ZNF469: variants seen among roughly 807,000 people sequenced by gnomAD.
ZNF469 encodes the protein zinc finger protein 469.
In ZNF469, 1 loss-of-function variant was observed where a neutral mutation model predicts 1.0. The observed-to-expected ratio is 1.00, with a 90% CI of 0.35 to 4.73. The LOEUF (loss-of-function observed/expected upper bound fraction) is 4.73, where lower values mean the gene tolerates loss of function less well. ZNF469 is among the 30% of genes most tolerant of loss of function. The pLI, the probability that ZNF469 is intolerant of heterozygous loss-of-function variation, is 0.16. For synonymous variants in ZNF469, 2,703 were observed against 2,363.4 expected (o/e 1.14, Z -4.17); for missense variants, 6,100 against 5,356.3 (o/e 1.14, Z -4.33).
At chr16:88,304,336 C>T in the ZNF469 span, among the ~76,000 whole-genome samples, 1 of 152,216 alleles carries the variant, frequency 6.6e-6, no homozygotes, top group Non-Finnish European at 1.5e-5. Flanking sequence ...GCTCCTCCCA[C>T]CCTGTTGCAG....
In ZNF469 at chr16:88,438,186, C is replaced by G. The variant is rs928356397; in HGVS notation, c.10716C>G (p.Asp3572Glu). The G allele has an allele frequency of 6.5e-7, 1 of 1,548,826 alleles. No homozygotes were observed. The highest frequency in any genetic ancestry group is 8.7e-7 in the Non-Finnish European group (1 of 1,145,960). Residue 3572 changes from aspartate to glutamate, a missense_variant, in exon 3 of 3, where the codon GAC (aspartate) becomes GAG (glutamate). Coordinates refer to ENST00000565624, the MANE Select transcript of ZNF469 (RefSeq NM_001367624.2). ...ATGGCAGAGGAGACTGCGCGCTGGA[C>G]GGAGCCCTGGAGAGGCCAGAGAACG... ...LADGRGDCAL[D>E]GALERPENEA...
At chr16:88,367,758 C>T in the ZNF469 span, among the ~76,000 whole-genome samples, 3 of 152,210 alleles carry the variant, frequency 2.0e-5, no homozygotes, top group African/African-American at 7.2e-5. Flanking sequence ...GTCACTGGCT[C>T]CGGTCCCTGG....
the ZNF469 span, among the ~76,000 whole-genome samples, chr16:88,292,019 G>T: frequency 2.0e-5 from 3 of 152,208 alleles, no homozygotes; most frequent in African/African-American, 7.2e-5. Context: ...GACAGTTTTG[G>T]GGACCGAGGC....
At chr16:88,382,585 G>A (rs1196705952), upstream of ZNF469, among the ~76,000 whole-genome samples, 1 of 152,246 alleles carries the variant, frequency 6.6e-6, no homozygotes, top group Non-Finnish European at 1.5e-5. Flanking sequence ...CCAGGTGCCA[G>A]TCGGGACATC....
At chr16:88,381,869 G>A (rs1360815621), upstream of ZNF469, among the ~76,000 whole-genome samples, 1 of 152,260 alleles carries the variant, frequency 6.6e-6, no homozygotes, top group Non-Finnish European at 1.5e-5. Flanking sequence ...CAGATTGGGG[G>A]AGGGGCAGGC....
the ZNF469 span, among the ~76,000 whole-genome samples, chr16:88,274,095 G>A: frequency 2.0e-5 from 3 of 152,188 alleles, no homozygotes; most frequent in African/African-American, 7.2e-5. Context: ...GAGCCACCGC[G>A]CCTGGCCAGA....
the ZNF469 span, among the ~76,000 whole-genome samples, chr16:88,315,586 G>A: frequency 6.6e-6 from 1 of 152,160 alleles, no homozygotes; most frequent in Admixed American, 6.5e-5. Context: ...CAGGGCCCAG[G>A]AGCTCTCAGG....
At chr16:88,298,413 C>T in the ZNF469 span, among the ~76,000 whole-genome samples, 10 of 152,202 alleles carry the variant, frequency 6.6e-5, no homozygotes, top group African/African-American at 2.4e-4. Flanking sequence ...GCTGCTTGTT[C>T]ACTGAGTTCC....
intron 1 of ZNF469, among the ~76,000 whole-genome samples, chr16:88,405,090 C>G (rs56254346): frequency 6.6e-6 from 1 of 152,128 alleles, no homozygotes; most frequent in Non-Finnish European, 1.5e-5. Flanking sequence ...TAGCTCCACA[C>G]AGCATGCTTG....
the ZNF469 span, among the ~76,000 whole-genome samples, chr16:88,267,089 A>G: frequency 6.6e-6 from 1 of 151,888 alleles, no homozygotes; most frequent in Non-Finnish European, 1.5e-5. Flanking sequence ...TCTGGAGCTC[A>G]CTCTATCTGC....
the ZNF469 span, among the ~76,000 whole-genome samples, chr16:88,263,993 C>T: frequency 6.6e-6 from 1 of 152,130 alleles, no homozygotes; most frequent in Admixed American, 6.5e-5. Context: ...CCCAGGGAGC[C>T]TCCTGCCCAC....
the ZNF469 span, among the ~76,000 whole-genome samples, chr16:88,341,043 C>T: frequency 6.6e-6 from 1 of 152,186 alleles, no homozygotes; most frequent in African/African-American, 2.4e-5. Context: ...TCCTGAGCCA[C>T]CTGAGCACCT....
upstream of ZNF469, among the ~76,000 whole-genome samples, chr16:88,378,749 C>T (rs2092514757): frequency 6.6e-6 from 1 of 152,218 alleles, no homozygotes; most frequent in African/African-American, 2.4e-5. Flanking sequence ...GGGCTCTTTG[C>T]ATCCTCCAGC....
the ZNF469 span, among the ~76,000 whole-genome samples, chr16:88,256,888 T>TCTTTCTTTCTCTCTC: frequency 2.0e-5 from 1 of 50,254 alleles, no homozygotes; most frequent in African/African-American, 8.0e-5. Context: ...TTCTTTTCTT[T>TCTTTCTTTCTCTCTC]TCTTTCCTTC....
In ZNF469 at chr16:88,428,620, C is replaced by T; in HGVS notation, c.1150C>T (p.Pro384Ser). The T allele has an allele frequency of 1.3e-6, 2 of 1,550,224 alleles. No individual in the cohort carries two copies. Among genetic ancestry groups the T allele is most frequent in the Non-Finnish European group, 1.7e-6 (2 of 1,146,886 alleles). ...CCTGACCAAAATCCTTCCCGAAAGA[C>T]CACCTTCAGCCCAGGATGGGCTGGG... ...KSLTKILPER[P>S]PSAQDGLGST... The change falls in exon 3 of 3, where the codon CCA (proline) becomes TCA (serine). Residue 384 changes from proline (P) to serine (S), a missense_variant. Coordinates refer to ENST00000565624, the MANE Select transcript of ZNF469 (RefSeq NM_001367624.2).
the ZNF469 span, among the ~76,000 whole-genome samples, chr16:88,156,803 G>A: frequency 1.3e-5 from 2 of 152,012 alleles, no homozygotes; most frequent in African/African-American, 2.4e-5. Context: ...AGCTGACTGT[G>A]CAGGCAGAGG....
rs1347184159 is a variant in ZNF469 at position 88,437,421 on chromosome 16, C to A, written c.9951C>A (p.Ala3317=). The A allele has an allele frequency of 1.3e-6, 2 of 1,522,190 alleles. No individual in the cohort carries two copies. Among genetic ancestry groups the A allele is most frequent in the Non-Finnish European group, 1.8e-6 (2 of 1,131,782 alleles). The allele number at this position is 1,522,190 out of a possible 1,614,324, so 94.3% of individuals were successfully genotyped here. A position where few individuals can be genotyped will look rare whatever the true frequency, so the allele number is the denominator to read the frequency against. ...TTPSPSPDPW[A]GGEPLLQATP... ...CCAGCCCGTCCCCCGACCCCTGGGC[C>A]GGCGGGGAGCCCCTCCTGCAAGCCA... The change falls in exon 3 of 3, where the codon GCC becomes GCA. Residue 3317 remains alanine (A), a synonymous_variant. Transcript: ENST00000565624.
chr16:88,271,777 G>T, the ZNF469 span, among the ~76,000 whole-genome samples: 1 of 151,654 alleles, frequency 6.6e-6, no homozygotes, highest in East Asian at 1.9e-4. Context: ...CTGGGGCACA[G>T]TGTCAGATTC....
chr16:88,310,173 A>C, the ZNF469 span, among the ~76,000 whole-genome samples: 2 of 152,120 alleles, frequency 1.3e-5, no homozygotes, highest in African/African-American at 2.4e-5. Context: ...GCATGAGAGC[A>C]AATCTCTGCA....
Sources: gnomAD v4.1 joint callset for allele counts (sites outside exome capture counted in the v4.1 genomes callset) on GRCh38, gnomAD v4.1.1 for gene constraint, MANE v1.5 for transcripts, NCBI Gene and HGNC (gene_info 2026-07-23, HGNC 2026-07-21) for gene names.